The following PCSK6 variants were observed in gnomAD, a reference collection of about 807,000 sequenced individuals.
PCSK6 encodes proprotein convertase subtilisin/kexin type 6, also known as paired basic amino acid cleaving enzyme 4.
Under a neutral mutation model 123.3 loss-of-function variants are expected in PCSK6, and 85 were observed. The observed-to-expected ratio is 0.69, with a 90% CI of 0.58 to 0.83. The LOEUF is 0.83. Ranked by LOEUF, PCSK6 falls within the 40% of genes least tolerant of loss-of-function variation. PCSK6 has a pLI of 0.00. For missense variants in PCSK6, 1,191 were observed against 1,282.3 expected (o/e 0.93, Z 1.09); for synonymous variants, 508 against 516.0 (o/e 0.98, Z 0.21).
intron 13 of PCSK6, among the ~76,000 whole-genome samples, chr15:101,343,095 A>C (rs1052498662): frequency 6.6e-6 from 1 of 152,176 alleles, no homozygotes; most frequent in East Asian, 1.9e-4. Context: ...TAATAGGACA[A>C]TTTTAATTTT....
intron 1 of PCSK6, 55 bp from the exon 2 acceptor site, chr15:101,443,715 A>C: frequency 1.5e-6 from 2 of 1,292,182 alleles, no homozygotes; most frequent in Non-Finnish European, 2.3e-6. Context: ...ACAGCTTCCA[A>C]AATCTTCCAC....
At chr15:101,370,577 C>T in intron 11 of PCSK6, 54 bp from the exon 12 acceptor site, 2 of 1,382,804 alleles carry the variant, frequency 1.4e-6, no homozygotes. Context: ...AAGTCTCACC[C>T]ACACAGCCAG....
intron 6 of PCSK6, among the ~76,000 whole-genome samples, chr15:101,400,404 T>C (rs931139789): frequency 2.0e-5 from 3 of 152,216 alleles, no homozygotes; most frequent in African/African-American, 7.2e-5. Context: ...TTCCCCACCT[T>C]ACCCATACTA....
intron 1 of PCSK6, among the ~76,000 whole-genome samples, chr15:101,456,646 A>G (rs2057190511): frequency 6.6e-6 from 1 of 152,192 alleles, no homozygotes; most frequent in African/African-American, 2.4e-5. Flanking sequence ...AGGGCATAAC[A>G]AGGAACGGCA....
chr15:101,444,042 C>T (rs2141154715), intron 1 of PCSK6, among the ~76,000 whole-genome samples: 2 of 152,274 alleles, frequency 1.3e-5, no homozygotes, highest in South Asian at 4.1e-4. Context: ...TACACCAAAA[C>T]ATTCATTTAT....
chr15:101,308,393 C>T (rs2624982), intron 20 of PCSK6: 21,334 of 152,370 alleles, frequency 0.14, 1,640 homozygotes, highest in African/African-American at 0.21. Flanking sequence ...AGCCTTCCCA[C>T]GCTCAGACAC....
chr15:101,360,403 T>C lies in PCSK6; in HGVS notation c.1858+5793A>G, dbSNP rs564257773. 2.3e-3 allele frequency among the ~76,000 whole-genome samples: 351 copies of C among 152,272 alleles called. 3 individuals are homozygous for C. Among genetic ancestry groups the C allele is most frequent in the African/African-American group, 8.1e-3 (338 of 41,536 alleles). ...TGGTCCCTATGCTCTCAATGCCTGGTCCTGTCCTATTCTGCTCCTCTTCCC... is the reference window on the plus strand; with the variant it reads ...TGGTCCCTATGCTCTCAATGCCTGGCCCTGTCCTATTCTGCTCCTCTTCCC... On this transcript the variant is annotated intron_variant, in intron 13 of 21. Coordinates refer to ENST00000611716, the MANE Select transcript of PCSK6 (RefSeq NM_002570.5).
At chr15:101,364,518 A>C (rs927997348) in intron 13 of PCSK6, among the ~76,000 whole-genome samples, 3 of 152,264 alleles carry the variant, frequency 2.0e-5, no homozygotes, top group Non-Finnish European at 2.9e-5. Flanking sequence ...AGAGAAATAA[A>C]CAATCCAAAA....
intron 12 of PCSK6, among the ~76,000 whole-genome samples, chr15:101,366,875 CTG>C (rs1428793107): frequency 3.3e-5 from 5 of 152,202 alleles, no homozygotes; most frequent in Non-Finnish European, 7.3e-5. Flanking sequence ...GCTGTGTGCA[CTG>C]TTCTCTGGGA....
In PCSK6 at chr15:101,370,433, G is replaced by A. The variant is rs528175904; in HGVS notation, c.1623C>T (p.His541=). 56 of 1,552,022 alleles carry A rather than the reference G, an allele frequency of 3.6e-5. 1 individual carries two copies. In the East Asian group the frequency reaches 1.2e-3, roughly 35 times the overall value. The change falls in exon 12 of 22, where the codon CAC becomes CAT. Residue 541 remains histidine (H), a synonymous_variant. Transcript: ENST00000611716. ...GTGAGATGGAGGTGCGAACCACCAC[G>A]TGCTCCAAGTAGACCACCCGCTGGT... ...HSDQRVVYLE[H]VVVRTSISHP...
intron 8 of PCSK6, among the ~76,000 whole-genome samples, chr15:101,392,438 C>T (rs954311644): frequency 7.9e-5 from 12 of 152,158 alleles, no homozygotes; most frequent in African/African-American, 2.9e-4. Flanking sequence ...AAAGATGTGG[C>T]TGAGCAGCCG....
chr15:101,458,831 CA>C (rs1398168467), intron 1 of PCSK6, among the ~76,000 whole-genome samples: 1 of 152,148 alleles, frequency 6.6e-6, no homozygotes, highest in Non-Finnish European at 1.5e-5. Flanking sequence ...CTAAATTTAG[CA>C]GTTTTGGGTA....
intron 13 of PCSK6, among the ~76,000 whole-genome samples, chr15:101,348,218 G>A (rs1211249814): frequency 2.0e-5 from 3 of 152,222 alleles, no homozygotes; most frequent in Non-Finnish European, 4.4e-5. Context: ...AACGTCAGCA[G>A]CCATTCCAAC....
At chr15:101,470,137 A>C (rs149935964) in intron 1 of PCSK6, among the ~76,000 whole-genome samples, 3 of 152,336 alleles carry the variant, frequency 2.0e-5, no homozygotes, top group Non-Finnish European at 4.4e-5. Flanking sequence ...GAGGTGAGGT[A>C]CTGTGCTGGC....
chr15:101,377,146 G>A (rs562236659), intron 11 of PCSK6, among the ~76,000 whole-genome samples: 1 of 152,376 alleles, frequency 6.6e-6, no homozygotes, highest in African/African-American at 2.4e-5. Context: ...TGGGCTCCTG[G>A]CCTCACCAGC....
chr15:101,412,692 TA>T lies in PCSK6; in HGVS notation c.824-14117del, dbSNP rs1173712635. Among the ~76,000 whole-genome samples, 26 of 102,732 alleles carry T rather than the reference TA, an allele frequency of 2.5e-4. 2 individuals carry two copies. The highest frequency in any genetic ancestry group is 1.9e-3 in the African/African-American group (26 of 13,636). 67.4% of individuals were successfully genotyped at this position (102,732 alleles called of 152,430 possible). A position where few individuals can be genotyped will look rare whatever the true frequency, so the allele number is the denominator to read the frequency against. ...CAGAAGAAAGAGTGAACTGGAAAATTATATATATATATATATATATAAAATT... is the reference window on the plus strand; with the variant it reads ...CAGAAGAAAGAGTGAACTGGAAAATTTATATATATATATATATATAAAATT... On this transcript the variant is annotated intron_variant, in intron 6 of 21. Coordinates refer to ENST00000611716, the MANE Select transcript of PCSK6 (RefSeq NM_002570.5).
intron 15 of PCSK6, among the ~76,000 whole-genome samples, chr15:101,326,896 C>G (rs1440469536): frequency 6.6e-6 from 1 of 152,174 alleles, no homozygotes; most frequent in African/African-American, 2.4e-5. Flanking sequence ...GAGGACAGAG[C>G]AACACAAGAG....
intron 13 of PCSK6, among the ~76,000 whole-genome samples, chr15:101,364,680 C>T (rs1422448521): frequency 2.6e-5 from 4 of 152,178 alleles, no homozygotes; most frequent in African/African-American, 9.7e-5. Context: ...AAACAGAAAA[C>T]TATCCCAAGT....
At chr15:101,322,988 C>T (rs575673835) in intron 17 of PCSK6, among the ~76,000 whole-genome samples, 2 of 152,316 alleles carry the variant, frequency 1.3e-5, no homozygotes, top group East Asian at 1.9e-4. Flanking sequence ...TTGCCCACCA[C>T]GGTGCTTTCT....
Sources: gnomAD v4.1 joint callset for allele counts (sites outside exome capture counted in the v4.1 genomes callset) on GRCh38, gnomAD v4.1.1 for gene constraint, MANE v1.5 for transcripts, NCBI Gene and HGNC (gene_info 2026-07-23, HGNC 2026-07-21) for gene names.